UBE4B: variants seen among roughly 807,000 people sequenced by gnomAD.
The protein encoded by UBE4B is ubiquitination factor E4B.
A neutral mutation model predicts 148.1 loss-of-function variants in UBE4B; 27 were observed. The ratio of observed to expected loss-of-function variants is 0.18; its 90% CI spans 0.13 to 0.25. UBE4B has a LOEUF of 0.25. Ranked by LOEUF, UBE4B falls within the 10% of genes least tolerant of loss-of-function variation. UBE4B has a pLI of 1.00. For synonymous variants in UBE4B, 596 were observed against 619.3 expected, an observed-to-expected ratio of 0.96 and a Z score of 0.56; for missense variants, 1,170 against 1,662.4, an observed-to-expected ratio of 0.70 and a Z score of 5.15.
intron 1 of UBE4B, among the ~76,000 whole-genome samples, chr1:10,048,721 A>T (rs561442479): frequency 1.1e-4 from 17 of 152,310 alleles, no homozygotes; most frequent in Non-Finnish European, 2.1e-4. Context: ...GCCCTTGGTT[A>T]CCTTGACAAG....
At chr1:10,036,479 C>T (rs570875526) in intron 1 of UBE4B, among the ~76,000 whole-genome samples, 1 of 151,842 alleles carries the variant, frequency 6.6e-6, no homozygotes, top group East Asian at 1.9e-4. Context: ...AAATAATATT[C>T]GTTTGTTTTT....
intron 1 of UBE4B, among the ~76,000 whole-genome samples, chr1:10,048,997 A>G (rs1643972913): frequency 6.6e-6 from 1 of 152,244 alleles, no homozygotes; most frequent in Non-Finnish European, 1.5e-5. Context: ...GTAAAGAGGT[A>G]GAGATATATT....
chr1:10,149,019 G>A lies in UBE4B; in HGVS notation c.2592-165G>A, dbSNP rs76397556. On this transcript the variant is annotated intron_variant, in intron 19 of 27. Transcript: ENST00000343090. ...ATATGCACTGTCTTCATTATTCCCT[G>A]TTCATTTCTGGTTGTAGTTTCTTTG... Among the ~76,000 whole-genome samples, 510 of 152,216 alleles carry A rather than the reference G, an allele frequency of 3.4e-3. 3 individuals are homozygous for A. Among genetic ancestry groups the A allele is most frequent in the Middle Eastern group, 0.01 (3 of 294 alleles).
chr1:10,143,310 G>A (rs1645813351), intron 17 of UBE4B, among the ~76,000 whole-genome samples: 1 of 152,104 alleles, frequency 6.6e-6, no homozygotes, highest in Non-Finnish European at 1.5e-5. Flanking sequence ...GCTGTGGCAG[G>A]AGAATCGCTT....
chr1:10,069,891 A>C (rs1644454773), intron 1 of UBE4B, among the ~76,000 whole-genome samples: 1 of 152,146 alleles, frequency 6.6e-6, no homozygotes, highest in African/African-American at 2.4e-5. Context: ...ACTTATCTGG[A>C]TAGGCTCCAG....
intron 22 of UBE4B, among the ~76,000 whole-genome samples, chr1:10,158,766 T>C (rs1025035912): frequency 1.3e-5 from 2 of 152,162 alleles, no homozygotes; most frequent in Non-Finnish European, 2.9e-5. Context: ...CCCAGCACTT[T>C]GGGAGGCAGA....
chr1:10,168,208 A>G lies in UBE4B; in HGVS notation c.3271A>G (p.Thr1091Ala). 1 of 1,614,142 alleles carries G rather than the reference A, an allele frequency of 6.2e-7. No individual in the cohort carries two copies. Among genetic ancestry groups the G allele is most frequent in the Non-Finnish European group, 8.5e-7 (1 of 1,180,036 alleles). Residue 1091 changes from threonine (T) to alanine (A), a missense_variant, in exon 24 of 28, where the codon ACC becomes GCC. Transcript: ENST00000343090. This position sits in a 1 kb window ranked among gnomAD's most constrained non-coding sequence, Gnocchi z 4.9. ...RVSRSYLALA[T>A]ETVDMFHILT... Reference sequence around the variant, plus strand: ...GTCCCGCTCTTACCTCGCCCTGGCCACCGAAACCGTGGACATGTTCCACAT... The same window carrying G: ...GTCCCGCTCTTACCTCGCCCTGGCCGCCGAAACCGTGGACATGTTCCACAT...
At chr1:10,085,005 C>G (rs1031322248) in intron 2 of UBE4B, among the ~76,000 whole-genome samples, 3 of 152,058 alleles carry the variant, frequency 2.0e-5, no homozygotes, top group African/African-American at 7.2e-5. Context: ...TACCCGGCCT[C>G]TCTCCAGTTT....
chr1:10,053,183 CTG>C (rs1433194583), intron 1 of UBE4B, among the ~76,000 whole-genome samples: 1 of 152,076 alleles, frequency 6.6e-6, no homozygotes, highest in Admixed American at 6.6e-5. Context: ...GAGTCTCTCT[CTG>C]TTGCCCAGGC....
chr1:10,149,668 T>C (rs918043033), intron 20 of UBE4B, among the ~76,000 whole-genome samples: 3 of 152,238 alleles, frequency 2.0e-5, no homozygotes, highest in African/African-American at 7.2e-5. Context: ...GGAGAATGCT[T>C]ACCAAGAAAT....
At chr1:10,095,321 A>G (rs760728545) in intron 2 of UBE4B, 140 bp from the exon 3 acceptor site, 13 of 975,140 alleles carry the variant, frequency 1.3e-5, no homozygotes, top group African/African-American at 3.3e-5. Context: ...AGCTTTTTAT[A>G]TAATCTTCTG....
At position 10,178,677 on chromosome 1, in the gene UBE4B, A is replaced by G. The variant is rs1472139001; in HGVS notation, c.3559A>G (p.Ile1187Val). The change falls in exon 26 of 28, where the codon ATT becomes GTT. Residue 1187 changes from isoleucine to valine, a missense_variant. By Grantham distance (29) the Ile-to-Val change is conservative. This residue lies in a region of UBE4B where 348 missense variants were observed against 627.2 expected (regional missense o/e 0.55). Coordinates refer to ENST00000343090, the MANE Select transcript of UBE4B (RefSeq NM_001105562.3). The part of the protein sequence containing the change: ...SYSKELFEEV[I>V]SKMRKAGIKS... ...CAGTAAGGAATTGTTTGAAGAAGTT[A>G]TTTCAAAGATGCGGAAGGCAGGGAT... The G allele has an allele frequency of 3.7e-6, 6 of 1,613,082 alleles. No individual in the cohort carries two copies. The highest frequency in any genetic ancestry group is 4.2e-6 in the Non-Finnish European group (5 of 1,179,770).
chr1:10,142,755 G>A (rs747780591), intron 17 of UBE4B, among the ~76,000 whole-genome samples: 10 of 152,036 alleles, frequency 6.6e-5, no homozygotes, highest in Non-Finnish European at 1.0e-4. Context: ...AGCTGCCTAC[G>A]TTCCTCTGCT....
intron 25 of UBE4B, 151 bp downstream of exon 25, chr1:10,171,480 T>G: frequency 1.1e-6 from 1 of 951,078 alleles, no homozygotes; most frequent in Non-Finnish European, 1.5e-6. Context: ...GCGCGGTGGC[T>G]CAGGCCTGTA....
chr1:10,076,706 C>T lies in UBE4B; in HGVS notation c.211+4492C>T, dbSNP rs74433442. 8.6e-5 allele frequency among the ~76,000 whole-genome samples: 13 copies of T among 150,670 alleles called. No individual in the cohort carries two copies. The East Asian group carries it at 2.6e-3, about 30-fold the overall frequency. On this transcript the variant is annotated intron_variant, in intron 2 of 27. Transcript: ENST00000343090. Reference sequence around the variant, plus strand: ...ATTGAGAAGCTGTAGGGGGTCCTTCCACTTCCAGTTGCTTCTCCCATCTGC... The same window carrying T: ...ATTGAGAAGCTGTAGGGGGTCCTTCTACTTCCAGTTGCTTCTCCCATCTGC...
intron 1 of UBE4B, among the ~76,000 whole-genome samples, chr1:10,049,174 T>C (rs1451673228): frequency 6.6e-6 from 1 of 152,196 alleles, no homozygotes. Flanking sequence ...TTAATTTGTT[T>C]GCTTAATTTC....
chr1:10,122,123 C>CT (rs1645421242), intron 10 of UBE4B, 47 bp downstream of exon 10: 1 of 1,348,916 alleles, frequency 7.4e-7, no homozygotes. Flanking sequence ...CTGAGAGCCT[C>CT]TATGTCGAGG....
At chr1:10,054,450 A>T in intron 1 of UBE4B, 1 of 398,066 alleles carries the variant, frequency 2.5e-6, no homozygotes, top group Non-Finnish European at 4.9e-6. Flanking sequence ...TTATGCCATG[A>T]ATTCATAGGT....
chr1:10,034,679 C>T (rs1643435528), intron 1 of UBE4B, among the ~76,000 whole-genome samples: 1 of 152,156 alleles, frequency 6.6e-6, no homozygotes, highest in South Asian at 2.1e-4. Context: ...AGCAGTCATC[C>T]ATCAAGTTGA....
Sources: allele counts gnomAD v4.1 joint callset (sites outside exome capture counted in the v4.1 genomes callset), GRCh38; gene constraint gnomAD v4.1.1; regional missense constraint gnomAD v4.1.1; non-coding constraint Gnocchi (gnomAD v3.1); transcripts MANE v1.5; gene names NCBI Gene and HGNC (gene_info 2026-07-23, HGNC 2026-07-21).